Variants in CCDC57 observed in about 807,000 individuals in gnomAD.
CCDC57 encodes coiled-coil domain containing 57, also known as coiled-coil domain-containing protein 57.
CCDC57 carries 118 observed loss-of-function variants against 118.9 expected under a neutral mutation model. The ratio of observed to expected loss-of-function variants is 0.99; its 90% CI spans 0.86 to 1.16. CCDC57 has a LOEUF of 1.16. Ranked by LOEUF, CCDC57 falls within the 50% of genes most tolerant of loss-of-function variation. The pLI is 0.00. For synonymous variants in CCDC57, 527 were observed against 532.9 expected (o/e 0.99, Z 0.15); for missense variants, 1,300 against 1,320.7 (o/e 0.98, Z 0.24).
intron 15 of CCDC57, chr17:82,155,254 T>C (rs3924781): frequency 0.45 from 67,997 of 152,114 alleles, 16,175 homozygotes; most frequent in East Asian, 0.88. Flanking sequence ...GGAATCCCTC[T>C]GGTTCAGCAC....
chr17:82,113,962 A>G (rs889194017), intron 19 of CCDC57, among the ~76,000 whole-genome samples: 1 of 152,110 alleles, frequency 6.6e-6, no homozygotes, highest in Admixed American at 6.5e-5. Flanking sequence ...AAGAGCCCCA[A>G]GGCCCCCTTG....
At chr17:82,126,964 G>A (rs969765648) in intron 19 of CCDC57, 4 of 985,184 alleles carry the variant, frequency 4.1e-6, no homozygotes, top group Admixed American at 6.2e-5. Flanking sequence ...CACATCACAC[G>A]TCCCGCAACT....
intron 19 of CCDC57, among the ~76,000 whole-genome samples, chr17:82,121,395 G>A (rs1308822604): frequency 1.3e-5 from 2 of 152,132 alleles, no homozygotes; most frequent in African/African-American, 4.8e-5. Flanking sequence ...GCAGGCTCTC[G>A]AGGACATGAC....
At chr17:82,195,148 C>T (rs1269536463) in intron 5 of CCDC57, 115 bp downstream of exon 4, 1 of 780,634 alleles carries the variant, frequency 1.3e-6, no homozygotes, top group Non-Finnish European at 2.2e-6. Flanking sequence ...ACTCCTGGGC[C>T]CAAGGGATCC....
intron 19 of CCDC57, among the ~76,000 whole-genome samples, chr17:82,125,657 C>T (rs937246292): frequency 2.0e-5 from 3 of 151,850 alleles, no homozygotes; most frequent in South Asian, 2.1e-4. Context: ...ATTATAGGCA[C>T]GAGCCACTGC....
At chr17:82,144,147 T>C (rs978889919) in intron 16 of CCDC57, among the ~76,000 whole-genome samples, 1 of 151,932 alleles carries the variant, frequency 6.6e-6, no homozygotes, top group African/African-American at 2.4e-5. Flanking sequence ...AAGAATATTA[T>C]CTTGAAAAGA....
chr17:82,126,949 C>T (rs2037524400), intron 19 of CCDC57: 1 of 985,284 alleles, frequency 1.0e-6, no homozygotes, highest in Non-Finnish European at 1.2e-6. Flanking sequence ...CGCTCCCGCC[C>T]CAACCACATC....
rs559464900 is a variant in CCDC57, at chr17:82,101,965, C to T, written c.2900-99G>A. ...GCACAGGTGCAGCACTTCCGTGTTC[C>T]CGGCCAGCGGGGGCCCTGTGACCCT... On this transcript the variant is annotated intron_variant, in intron 19 of 19. Coordinates refer to ENST00000665763, the Ensembl canonical transcript of CCDC57. 1.7e-3 allele frequency: 2,046 copies of T among 1,226,126 alleles called. 23 individuals are homozygous for T. In the South Asian group the frequency reaches 0.017, roughly 10 times the overall value. The allele number at this position is 1,226,126 out of a possible 1,614,324, so 76.0% of individuals were successfully genotyped here.
chr17:82,128,015 G>A (rs1466260618), intron 18 of CCDC57, 107 bp from the exon 18 acceptor site: 7 of 1,467,150 alleles, frequency 4.8e-6, no homozygotes, highest in Non-Finnish European at 6.3e-6. Flanking sequence ...AGTGGGCCTG[G>A]CTTAAAGGCC....
At chr17:82,151,159 A>T (rs867995760) in intron 16 of CCDC57, among the ~76,000 whole-genome samples, 10 of 46,154 alleles carry the variant, frequency 2.2e-4, no homozygotes, top group Admixed American at 6.3e-4. Context: ...ACCTAGAACC[A>T]GGCGCACACC....
chr17:82,115,564 A>G (rs1187169375), intron 19 of CCDC57, among the ~76,000 whole-genome samples: 2 of 152,116 alleles, frequency 1.3e-5, no homozygotes, highest in Middle Eastern at 3.4e-3. Flanking sequence ...TGAACCCAGG[A>G]GTTCAAGACC....
At chr17:82,101,717 G>T (rs757817408) in exon 20 of CCDC57, 8 of 1,607,568 alleles carry the variant, frequency 5.0e-6, no homozygotes, top group South Asian at 4.4e-5. Flanking sequence ...ATCTTGGGGG[G>T]CCTCTGGCAG....
exon 3 of CCDC57, chr17:82,201,889 T>C (rs1428520223): frequency 6.2e-7 from 1 of 1,609,886 alleles, no homozygotes. Flanking sequence ...CCTCCACTCC[T>C]CCTCCTTGCG....
chr17:82,184,859 C>T (rs1382999817), intron 8 of CCDC57: 3 of 152,346 alleles, frequency 2.0e-5, no homozygotes, highest in Non-Finnish European at 4.4e-5. Flanking sequence ...CCATCAAAGG[C>T]ATCAACGTTT....
intron 15 of CCDC57, 91 bp from the exon 15 acceptor site, chr17:82,151,864 T>C (rs1043162649): frequency 2.4e-5 from 26 of 1,105,890 alleles, no homozygotes; most frequent in Non-Finnish European, 3.1e-5. Flanking sequence ...CTTCACCTGC[T>C]CTTCCAGGGT....
Position 82,190,636 on chromosome 17 carries a change from A to G in CCDC57, c.852-2217T>C, listed in dbSNP as rs1255327543. Among the ~76,000 whole-genome samples, 3 of 149,862 alleles carry G rather than the reference A, an allele frequency of 2.0e-5. No individual in the cohort carries two copies. The East Asian group carries it at 5.9e-4, about 30-fold the overall frequency. ...CTTGAACTCAAGAGGCAGAGGTTGC[A>G]GCGAGCTGAGATTGCACCACTGCAC... On this transcript the variant is annotated intron_variant, in intron 7 of 19. Transcript: ENST00000665763.
At chr17:82,164,068 AG>A (rs1207453985) in intron 13 of CCDC57, among the ~76,000 whole-genome samples, 3 of 152,154 alleles carry the variant, frequency 2.0e-5, no homozygotes, top group Non-Finnish European at 2.9e-5. Context: ...AAATTTAAAA[AG>A]AATGACCAAA....
intron 19 of CCDC57, among the ~76,000 whole-genome samples, chr17:82,123,287 C>T (rs1159564386): frequency 7.6e-6 from 1 of 132,314 alleles, no homozygotes; most frequent in Admixed American, 9.0e-5. Flanking sequence ...ACCAGTGTGC[C>T]CGGCCCTTTT....
At chr17:82,103,811 G>T (rs1157808640) in intron 19 of CCDC57, among the ~76,000 whole-genome samples, 2 of 150,162 alleles carry the variant, frequency 1.3e-5, no homozygotes, top group Non-Finnish European at 3.0e-5. Flanking sequence ...GGTGTGAGTG[G>T]GTCACAGTCC....
Sources: gnomAD v4.1 joint callset for allele counts (sites outside exome capture counted in the v4.1 genomes callset) on GRCh38, gnomAD v4.1.1 for gene constraint, MANE v1.5 for transcripts, NCBI Gene and HGNC (gene_info 2026-07-23, HGNC 2026-07-21) for gene names.